DZIP3: variants seen among roughly 807,000 people sequenced by gnomAD.
DZIP3 encodes E3 ubiquitin-protein ligase DZIP3.
In DZIP3, 118 loss-of-function variants were observed where a neutral mutation model predicts 162.0. That is an observed-to-expected ratio of 0.73 (90% confidence interval 0.63 to 0.85). The LOEUF (loss-of-function observed/expected upper bound fraction) is 0.85. DZIP3 is among the 40% of genes least tolerant of loss of function. The probability of loss-of-function intolerance (pLI) is 0.00; values close to 1 mark genes in which losing one functional copy is unlikely to be tolerated. For synonymous variants in DZIP3, 438 were observed against 458.6 expected, an observed-to-expected ratio of 0.96 and a Z score of 0.57; for missense variants, 1,331 against 1,407.0, an observed-to-expected ratio of 0.95 and a Z score of 0.86.
chr3:108,639,357 T>C (rs1942289723), intron 12 of DZIP3, among the ~76,000 whole-genome samples: 1 of 152,220 alleles, frequency 6.6e-6, no homozygotes, highest in Non-Finnish European at 1.5e-5. Flanking sequence ...GCAATGTTAC[T>C]TTTATTTTGA....
chr3:108,667,118 C>A (rs1444379406), intron 21 of DZIP3, among the ~76,000 whole-genome samples: 1 of 151,178 alleles, frequency 6.6e-6, no homozygotes, highest in Non-Finnish European at 1.5e-5. Context: ...CCAGGAGTTA[C>A]AGTTCAGCAT....
intron 3 of DZIP3, among the ~76,000 whole-genome samples, chr3:108,609,216 C>T (rs1261742492): frequency 1.3e-5 from 2 of 152,112 alleles, no homozygotes. Context: ...TTTGCAGGAA[C>T]ATGGGTAGGA....
intron 17 of DZIP3, 30 bp from the exon 18 acceptor site, chr3:108,651,107 T>C (rs2969900): frequency 0.32 from 220,459 of 680,070 alleles, 37,160 homozygotes; most frequent in South Asian, 0.35. Context: ...ATAGTTGATA[T>C]AGATTACTAA....
intron 28 of DZIP3, 118 bp downstream of exon 28, chr3:108,686,702 TTCCTTACCTTGAC>T: frequency 8.2e-7 from 1 of 1,212,398 alleles, no homozygotes; most frequent in Non-Finnish European, 1.1e-6. Flanking sequence ...GTACAGATGT[TTCCTTACCTTGAC>T]CTTGGTAAGG....
chr3:108,616,346 C>T (rs1370511281), intron 4 of DZIP3, among the ~76,000 whole-genome samples, 195 bp from the exon 5 acceptor site: 8 of 150,010 alleles, frequency 5.3e-5, no homozygotes, highest in East Asian at 3.9e-4. Context: ...TAGTTACAAA[C>T]GACATTCATC....
chr3:108,638,642 C>T (rs1280725480), intron 12 of DZIP3, among the ~76,000 whole-genome samples: 1 of 152,090 alleles, frequency 6.6e-6, no homozygotes, highest in African/African-American at 2.4e-5. Flanking sequence ...ATATAAATTT[C>T]TTCCTATTTC....
Position 108,651,123 on chromosome 3 carries a change from A to G in DZIP3, c.2008-14A>G. 1 of 707,370 alleles carries G rather than the reference A, an allele frequency of 1.4e-6. No homozygotes were observed. The allele number at this position is 707,370 out of a possible 1,614,324, so 43.8% of individuals were successfully genotyped here. On this transcript the variant is annotated splice_polypyrimidine_tract_variant and intron_variant, in intron 17 of 32. Transcript: ENST00000361582. ...TAGTTGATATAGATTACTAATTCTT[A>G]TGTTATTTTTCAGAATAAAGACTCA...
At chr3:108,593,939 A>C (rs1312399043) in intron 1 of DZIP3, among the ~76,000 whole-genome samples, 2 of 152,148 alleles carry the variant, frequency 1.3e-5, no homozygotes, top group African/African-American at 4.8e-5. Context: ...TCCTGGGATT[A>C]TAGGCATGAG....
At chr3:108,611,087 C>T (rs2107507134) in intron 3 of DZIP3, 87 bp from the exon 4 acceptor site, 1 of 1,318,060 alleles carries the variant, frequency 7.6e-7, no homozygotes, top group African/African-American at 1.5e-5. Context: ...AGCTTTGTTC[C>T]TTTTTTAATG....
At chr3:108,669,022 G>C (rs909951279) in intron 21 of DZIP3, among the ~76,000 whole-genome samples, 29 of 152,040 alleles carry the variant, frequency 1.9e-4, no homozygotes, top group African/African-American at 6.5e-4. Flanking sequence ...TCTGGTATGT[G>C]AATATATGTC....
At chr3:108,616,709 TCA>T in intron 5 of DZIP3, 52 bp downstream of exon 5, 1 of 1,339,998 alleles carries the variant, frequency 7.5e-7, no homozygotes, top group Non-Finnish European at 1.0e-6. Flanking sequence ...TCAACATTTC[TCA>T]GTGAGAAAAC....
chr3:108,657,343 TA>T (rs1453834469), intron 19 of DZIP3, among the ~76,000 whole-genome samples: 2 of 152,084 alleles, frequency 1.3e-5, no homozygotes, highest in African/African-American at 4.8e-5. Context: ...TCAACATTCT[TA>T]AAGAAAAGAA....
In DZIP3 at chr3:108,614,726, T is replaced by A. The variant is rs1217084700; in HGVS notation, c.259-1815T>A. On this transcript the variant is annotated intron_variant, in intron 4 of 32. Transcript: ENST00000361582. ...CCCCAGAAAGCACTCAATCAGTAGG[T>A]CTTGGGAGTTATTATATGAATATCC... 2.0e-5 allele frequency among the ~76,000 whole-genome samples: 3 copies of A among 152,244 alleles called. No individual in the cohort carries two copies. In the East Asian group the frequency reaches 5.8e-4, roughly 29 times the overall value.
At chr3:108,595,204 TTTGTTGTTG>T (rs768745165) in intron 1 of DZIP3, among the ~76,000 whole-genome samples, 1 of 151,864 alleles carries the variant, frequency 6.6e-6, no homozygotes, top group Admixed American at 6.6e-5. Flanking sequence ...TCTTTGTGAT[TTTGTTGTTG>T]TTGTTGTTGT....
intron 23 of DZIP3, 46 bp downstream of exon 23, chr3:108,672,702 T>G (rs1437191310): frequency 7.0e-7 from 1 of 1,422,346 alleles, no homozygotes. Context: ...GGGAAAAGTT[T>G]TACTTGTATA....
intron 19 of DZIP3, among the ~76,000 whole-genome samples, chr3:108,658,221 A>T (rs1439341739): frequency 3.9e-5 from 6 of 152,214 alleles, no homozygotes; most frequent in Admixed American, 3.3e-4. Context: ...CTATTCCAAA[A>T]TTGACCACAT....
intron 24 of DZIP3, among the ~76,000 whole-genome samples, chr3:108,675,332 T>TC (rs1025979138): frequency 3.3e-5 from 5 of 152,040 alleles, no homozygotes; most frequent in African/African-American, 1.2e-4. Context: ...AGAGACAGTA[T>TC]CTTTTTCTAA....
At chr3:108,644,994 G>A (rs1304331411) in intron 14 of DZIP3, among the ~76,000 whole-genome samples, 2 of 152,172 alleles carry the variant, frequency 1.3e-5, no homozygotes, top group Non-Finnish European at 2.9e-5. Flanking sequence ...GCTTTCTGGA[G>A]AGTATCATAG....
rs1342933860 is a variant in DZIP3 at position 108,630,563 on chromosome 3, C to T, written c.696+1387C>T. Among the ~76,000 whole-genome samples, 3 of 152,002 alleles carry T rather than the reference C, an allele frequency of 2.0e-5. No individual in the cohort carries two copies. The East Asian group carries it at 5.8e-4, about 29-fold the overall frequency. ...AATAGAACATGCAGACAGCTTTTGGCATTGTCAAGGTAATCATATGACTTT... is the reference window on the plus strand; with the variant it reads ...AATAGAACATGCAGACAGCTTTTGGTATTGTCAAGGTAATCATATGACTTT... On this transcript the variant is annotated intron_variant, in intron 8 of 32. Transcript: ENST00000361582.
Sources: allele counts gnomAD v4.1 joint callset (sites outside exome capture counted in the v4.1 genomes callset), GRCh38; gene constraint gnomAD v4.1.1; transcripts MANE v1.5; gene names NCBI Gene and HGNC (gene_info 2026-07-23, HGNC 2026-07-21).